ST7: variants seen among roughly 807,000 people sequenced by gnomAD.
The protein encoded by ST7 is suppressor of tumorigenicity 7 protein.
In ST7, 28 loss-of-function variants were observed where a neutral mutation model predicts 78.7. The ratio of observed to expected loss-of-function variants is 0.36; its 90% CI spans 0.26 to 0.49. ST7 has a LOEUF of 0.49. Ranked by LOEUF, ST7 falls within the 20% of genes least tolerant of loss-of-function variation. ST7 has a pLI of 0.99. For missense variants in ST7, 418 were observed against 696.0 expected, an observed-to-expected ratio of 0.60 and a Z score of 4.49; for synonymous variants, 247 against 249.6, an observed-to-expected ratio of 0.99 and a Z score of 0.10.
chr7:117,081,890 A>G (rs2116615912), intron 1 of ST7, among the ~76,000 whole-genome samples: 1 of 150,574 alleles, frequency 6.6e-6, no homozygotes, highest in South Asian at 2.1e-4. Context: ...AGAAATAGAG[A>G]TTGAGAGAGA....
At chr7:117,100,472 TCAAA>T (rs1383086560) in intron 2 of ST7, among the ~76,000 whole-genome samples, 4 of 152,012 alleles carry the variant, frequency 2.6e-5, no homozygotes, top group Non-Finnish European at 5.9e-5. Context: ...AGACTCTGTC[TCAAA>T]CAAACAAACA....
At chr7:117,108,268 A>G (rs1460472322) in intron 2 of ST7, among the ~76,000 whole-genome samples, 1 of 152,176 alleles carries the variant, frequency 6.6e-6, no homozygotes, top group African/African-American at 2.4e-5. Context: ...ATTTTTGTAT[A>G]AGGTGAGCGA....
chr7:117,023,578 G>A (rs1376320353), intron 1 of ST7, among the ~76,000 whole-genome samples: 4 of 152,100 alleles, frequency 2.6e-5, no homozygotes, highest in African/African-American at 9.7e-5. Flanking sequence ...TTACCATCTT[G>A]ATGTATTTCA....
At chr7:117,149,932 G>C (rs1806121123) in intron 9 of ST7, among the ~76,000 whole-genome samples, 1 of 152,032 alleles carries the variant, frequency 6.6e-6, no homozygotes, top group Non-Finnish European at 1.5e-5. Context: ...TCAGTACCTG[G>C]ATCTTTTTTT....
chr7:117,181,789 T>C (rs926998208), intron 10 of ST7, among the ~76,000 whole-genome samples: 1 of 152,116 alleles, frequency 6.6e-6, no homozygotes, highest in Non-Finnish European at 1.5e-5. Flanking sequence ...ACAGATGAGA[T>C]AGTGGATATG....
chr7:117,005,489 A>G (rs992379608), intron 1 of ST7, among the ~76,000 whole-genome samples: 3 of 152,182 alleles, frequency 2.0e-5, no homozygotes, highest in Admixed American at 6.5e-5. Context: ...ATGTAAAAAT[A>G]TTTCCAATTT....
intron 3 of ST7, among the ~76,000 whole-genome samples, chr7:117,123,398 G>A (rs547654991): frequency 6.6e-6 from 1 of 152,162 alleles, no homozygotes; most frequent in South Asian, 2.1e-4. Context: ...TTAAACTTCT[G>A]GATTTGTACA....
At chr7:117,089,550 C>T (rs1034653222) in intron 1 of ST7, among the ~76,000 whole-genome samples, 1 of 150,438 alleles carries the variant, frequency 6.6e-6, no homozygotes, top group Admixed American at 6.6e-5. Flanking sequence ...TAGAGCACTT[C>T]AACAGTTTGT....
chr7:117,099,736 C>T, intron 1 of ST7, 26 bp from the exon 2 acceptor site: 2 of 1,580,838 alleles, frequency 1.3e-6, no homozygotes, highest in Non-Finnish European at 1.7e-6. Flanking sequence ...TTGTTCTTCT[C>T]CCTTTCTCTC....
chr7:117,020,830 A>G (rs1795862840), intron 1 of ST7, among the ~76,000 whole-genome samples: 2 of 152,314 alleles, frequency 1.3e-5, no homozygotes, highest in African/African-American at 2.4e-5. Context: ...TCAATGTGTC[A>G]AAACCAGGCC....
At chr7:116,967,292 C>T (rs776715098) in intron 1 of ST7, 23 of 470,996 alleles carry the variant, frequency 4.9e-5, no homozygotes, top group Middle Eastern at 3.2e-4. Context: ...CTCACATACC[C>T]GCAGTGGTGG....
intron 9 of ST7, among the ~76,000 whole-genome samples, chr7:117,158,048 A>T (rs991171907): frequency 6.6e-6 from 1 of 152,174 alleles, no homozygotes; most frequent in African/African-American, 2.4e-5. Context: ...GTGAAACTGC[A>T]GTTTGCCATA....
At chr7:117,119,534 A>G (rs781125153) in intron 2 of ST7, 27 bp from the exon 3 acceptor site, 2 of 1,601,608 alleles carry the variant, frequency 1.2e-6, no homozygotes, top group Admixed American at 3.6e-5. Flanking sequence ...AACAGTGACC[A>G]TAAACACGCT....
chr7:117,128,985 G>C (rs756729722), intron 3 of ST7, among the ~76,000 whole-genome samples: 2 of 151,752 alleles, frequency 1.3e-5, no homozygotes, highest in Admixed American at 6.6e-5. Flanking sequence ...TCAGTAGAAA[G>C]TCTTAATCAT....
chr7:116,983,408 C>G (rs963077980), intron 1 of ST7, among the ~76,000 whole-genome samples: 1 of 152,090 alleles, frequency 6.6e-6, no homozygotes, highest in Non-Finnish European at 1.5e-5. Flanking sequence ...TAATATCCCC[C>G]CTCACCTCAC....
At chr7:117,071,180 C>G (rs28473267) in intron 1 of ST7, among the ~76,000 whole-genome samples, 3,995 of 152,232 alleles carry the variant, frequency 0.026, 173 homozygotes, top group African/African-American at 0.089. Flanking sequence ...GATCGCGCCA[C>G]TGGACTCCAT....
At chr7:117,173,974 ATTCCCC>A (rs1175438829) in intron 10 of ST7, among the ~76,000 whole-genome samples, 1 of 152,134 alleles carries the variant, frequency 6.6e-6, no homozygotes, top group East Asian at 1.9e-4. Flanking sequence ...GGCAAAATGT[ATTCCCC>A]TTGTCTCATT....
chr7:117,136,036 G>A, intron 7 of ST7, 45 bp from the exon 8 acceptor site: 1 of 1,602,500 alleles, frequency 6.2e-7, no homozygotes. Flanking sequence ...CTATTACCAT[G>A]TCCTTGGCTT....
chr7:116,969,237 T>C (rs555729499), intron 1 of ST7, among the ~76,000 whole-genome samples: 1 of 152,250 alleles, frequency 6.6e-6, no homozygotes, highest in Non-Finnish European at 1.5e-5. Flanking sequence ...TCCTTGTTTT[T>C]GATAACTTTA....
Sources: gnomAD v4.1 joint callset for allele counts (sites outside exome capture counted in the v4.1 genomes callset) on GRCh38, gnomAD v4.1.1 for gene constraint, MANE v1.5 for transcripts, NCBI Gene and HGNC (gene_info 2026-07-23, HGNC 2026-07-21) for gene names.